FHIT: variants seen among roughly 807,000 people sequenced by gnomAD.
FHIT encodes fragile histidine triad diadenosine triphosphatase, also known as bis(5'-adenosyl)-triphosphatase.
Under a neutral mutation model 17.9 loss-of-function variants are expected in FHIT, and 19 were observed. The observed-to-expected ratio is 1.06, with a 90% CI of 0.74 to 1.56. The LOEUF is 1.56. FHIT is among the 40% of genes most tolerant of loss of function. The probability of loss-of-function intolerance (pLI) is 0.00; values close to 1 mark genes in which losing one functional copy is unlikely to be tolerated. For missense variants in FHIT, 248 were observed against 189.2 expected (o/e 1.31, Z -1.82); for synonymous variants, 81 against 69.7 (o/e 1.16, Z -0.81).
At position 61,096,499 on chromosome 3, in the gene FHIT, G is replaced by A. The variant is rs568929685; in HGVS notation, c.-163-54400C>T. Among the ~76,000 whole-genome samples the A allele has an allele frequency of 9.2e-5, 14 of 152,280 alleles. No homozygotes were observed. In the South Asian group the frequency reaches 1.7e-3, roughly 18 times the overall value. ...TAGTTGTTTCAAGCAATGTCCAGCC[G>A]GGGACACAGAGAACAGAGAGGTAGG... On this transcript the variant is annotated intron_variant, in intron 2 of 9. Transcript: ENST00000492590.
chr3:60,242,932 G>A (rs17338297), intron 5 of FHIT, among the ~76,000 whole-genome samples: 15,583 of 151,884 alleles, frequency 0.1, 1,063 homozygotes, highest in South Asian at 0.19. Context: ...ACCAGGAGAA[G>A]TAGATGTTAG....
chr3:60,326,687 A>T (rs1569351), intron 5 of FHIT, among the ~76,000 whole-genome samples: 56,656 of 152,068 alleles, frequency 0.37, 11,899 homozygotes, highest in South Asian at 0.56. Context: ...TACGATATTT[A>T]AAAAATGGAC....
rs140331116 is a variant in FHIT, at chr3:60,371,215, T to C, written c.103+165645A>G. 5.9e-3 allele frequency among the ~76,000 whole-genome samples: 905 copies of C among 152,310 alleles called. 4 individuals carry two copies. The highest frequency in any genetic ancestry group is 0.011 in the Non-Finnish European group (766 of 68,028). On this transcript the variant is annotated intron_variant, in intron 5 of 9. Coordinates refer to ENST00000492590, the MANE Select transcript of FHIT (RefSeq NM_002012.4). ...GTAAATTCCCTATGTGGAGGGAGCA[T>C]AACAAATATATCTTTATTCTCCTGT...
intron 5 of FHIT, among the ~76,000 whole-genome samples, chr3:60,477,315 A>G (rs1247910537): frequency 6.6e-6 from 1 of 152,158 alleles, no homozygotes; most frequent in Non-Finnish European, 1.5e-5. Flanking sequence ...AATGAAGGCT[A>G]CTAAGAGCAT....
At chr3:60,089,000 T>C (rs1315896366) in intron 5 of FHIT, among the ~76,000 whole-genome samples, 2 of 152,148 alleles carry the variant, frequency 1.3e-5, no homozygotes, top group East Asian at 3.8e-4. Flanking sequence ...ATCTAGCCCT[T>C]GATGTTAAAA....
At chr3:60,107,042 G>C (rs1377883095) in intron 5 of FHIT, among the ~76,000 whole-genome samples, 2 of 150,698 alleles carry the variant, frequency 1.3e-5, no homozygotes, top group Non-Finnish European at 2.9e-5. Context: ...GAATTAATCA[G>C]TTTTAAAAAG....
chr3:61,016,614 A>G (rs1351710998), intron 3 of FHIT, among the ~76,000 whole-genome samples: 1 of 152,222 alleles, frequency 6.6e-6, no homozygotes, highest in Non-Finnish European at 1.5e-5. Context: ...TTTGTTCAAC[A>G]TTTCTTTCTG....
chr3:60,738,084 T>C (rs964340440), intron 4 of FHIT, among the ~76,000 whole-genome samples: 1 of 152,046 alleles, frequency 6.6e-6, no homozygotes, highest in Admixed American at 6.5e-5. Context: ...AGGCAGACCA[T>C]AATCAGAAGG....
intron 4 of FHIT, among the ~76,000 whole-genome samples, chr3:60,638,289 A>G (rs2039639849): frequency 6.6e-6 from 1 of 152,182 alleles, no homozygotes; most frequent in African/African-American, 2.4e-5. Context: ...GGAATGACAG[A>G]TTTAGAAAAT....
intron 5 of FHIT, among the ~76,000 whole-genome samples, chr3:60,255,997 T>C (rs1341204326): frequency 6.6e-6 from 1 of 152,158 alleles, no homozygotes; most frequent in East Asian, 1.9e-4. Flanking sequence ...CTTGCAAGCC[T>C]GATTTTTGAA....
At chr3:60,041,197 A>G (rs1370810789) in intron 5 of FHIT, among the ~76,000 whole-genome samples, 1 of 152,134 alleles carries the variant, frequency 6.6e-6, no homozygotes, top group East Asian at 1.9e-4. Context: ...ACATGACCCG[A>G]CAGAAGGAGA....
At chr3:60,586,129 TC>T (rs1244383280) in intron 4 of FHIT, among the ~76,000 whole-genome samples, 1 of 151,598 alleles carries the variant, frequency 6.6e-6, no homozygotes, top group Non-Finnish European at 1.5e-5. Context: ...AAGGGGGAAA[TC>T]ATCTGAGATC....
chr3:60,772,153 A>AG (rs1341561955), intron 4 of FHIT, among the ~76,000 whole-genome samples: 1 of 99,086 alleles, frequency 1.0e-5, no homozygotes, highest in Non-Finnish European at 2.0e-5. Context: ...ATTCTTCAGA[A>AG]GAAAAAAAAA....
chr3:59,791,321 C>T lies in FHIT; in HGVS notation c.349-39000G>A, dbSNP rs1029945076. Among the ~76,000 whole-genome samples, 11 of 151,998 alleles carry T rather than the reference C, an allele frequency of 7.2e-5. No homozygotes were observed. In the South Asian group the frequency reaches 1.0e-3, roughly 14 times the overall value. On this transcript the variant is annotated intron_variant, in intron 8 of 9. Coordinates refer to ENST00000492590, the MANE Select transcript of FHIT (RefSeq NM_002012.4). ...GTTTTTATAGGCATTACTGAAGCAG[C>T]GGGGGTGGGGTGGGGGAAACCCACA...
At chr3:61,152,929 A>T (rs927284018) in intron 2 of FHIT, among the ~76,000 whole-genome samples, 1 of 151,880 alleles carries the variant, frequency 6.6e-6, no homozygotes, top group African/African-American at 2.4e-5. Flanking sequence ...GGATCACAAG[A>T]TCAGGAGATC....
chr3:60,487,174 G>A (rs535219300), intron 5 of FHIT, among the ~76,000 whole-genome samples: 4 of 152,302 alleles, frequency 2.6e-5, no homozygotes, highest in Admixed American at 2.0e-4. Flanking sequence ...GACTGAGTAA[G>A]AGACTTCACT....
intron 5 of FHIT, among the ~76,000 whole-genome samples, chr3:60,061,826 C>A (rs1259078370): frequency 6.6e-6 from 1 of 152,074 alleles, no homozygotes; most frequent in Non-Finnish European, 1.5e-5. Flanking sequence ...GGGAATCATA[C>A]AGAAGGAAGG....
At chr3:60,998,561 G>A (rs1378066972) in intron 3 of FHIT, among the ~76,000 whole-genome samples, 2 of 151,986 alleles carry the variant, frequency 1.3e-5, no homozygotes, top group Non-Finnish European at 2.9e-5. Flanking sequence ...TTGAACCATA[G>A]TGCCATTCAG....
intron 1 of FHIT, 23 bp from the exon 2 acceptor site, chr3:61,200,688 G>C (rs993295075): frequency 1.3e-5 from 2 of 152,558 alleles, no homozygotes; most frequent in African/African-American, 4.8e-5. Flanking sequence ...AAAAATGAAA[G>C]ACAGAGTTGT....
Sources: allele counts gnomAD v4.1 joint callset (sites outside exome capture counted in the v4.1 genomes callset), GRCh38; gene constraint gnomAD v4.1.1; transcripts MANE v1.5; gene names NCBI Gene and HGNC (gene_info 2026-07-23, HGNC 2026-07-21).